XKR4: variants seen among roughly 807,000 people sequenced by gnomAD.
The protein encoded by XKR4 is XK related 4.
A neutral mutation model predicts 53.9 loss-of-function variants in XKR4; 12 were observed. That is an observed-to-expected ratio of 0.22 (90% CI 0.14 to 0.36). XKR4 has a LOEUF of 0.36. Ranked by LOEUF, XKR4 falls within the 10% of genes least tolerant of loss-of-function variation. XKR4 has a pLI of 1.00. For missense variants in XKR4, 799 were observed against 859.5 expected, an observed-to-expected ratio of 0.93 and a Z score of 0.88; for synonymous variants, 354 against 362.4, an observed-to-expected ratio of 0.98 and a Z score of 0.26.
At chr8:55,294,920 A>G (rs890522131) in intron 1 of XKR4, among the ~76,000 whole-genome samples, 3 of 152,052 alleles carry the variant, frequency 2.0e-5, no homozygotes, top group Admixed American at 2.0e-4. Flanking sequence ...TACCCAATGA[A>G]TCCAGTGTCC....
chr8:55,427,792 T>C (rs945748094), intron 2 of XKR4, among the ~76,000 whole-genome samples: 2 of 152,344 alleles, frequency 1.3e-5, no homozygotes, highest in Admixed American at 6.5e-5. Context: ...AAGTATATCA[T>C]TTGTTTATTT....
chr8:55,378,119 T>C (rs1804176742), intron 2 of XKR4, among the ~76,000 whole-genome samples: 1 of 149,846 alleles, frequency 6.7e-6, no homozygotes, highest in Admixed American at 6.6e-5. Flanking sequence ...TCTGGTCTTG[T>C]TGTTATTTTC....
At chr8:55,478,658 T>A (rs1451376037) in intron 2 of XKR4, among the ~76,000 whole-genome samples, 1 of 152,076 alleles carries the variant, frequency 6.6e-6, no homozygotes, top group Non-Finnish European at 1.5e-5. Flanking sequence ...GAAAACCATC[T>A]CATGTGCAGA....
chr8:55,186,107 C>T (rs1369080690), intron 1 of XKR4, among the ~76,000 whole-genome samples: 1 of 152,116 alleles, frequency 6.6e-6, no homozygotes, highest in African/African-American at 2.4e-5. Flanking sequence ...CACAGTCATT[C>T]AGTTTTCCCA....
At chr8:55,507,462 T>G (rs980765869) in intron 2 of XKR4, among the ~76,000 whole-genome samples, 1 of 152,154 alleles carries the variant, frequency 6.6e-6, no homozygotes, top group Non-Finnish European at 1.5e-5. Flanking sequence ...TAACTCATCA[T>G]TTAACATCAG....
At chr8:55,322,450 T>C (rs147877922) in intron 1 of XKR4, among the ~76,000 whole-genome samples, 1 of 152,348 alleles carries the variant, frequency 6.6e-6, no homozygotes, top group Non-Finnish European at 1.5e-5. Flanking sequence ...TTATCATACA[T>C]GCCATCTCTT....
intron 1 of XKR4, among the ~76,000 whole-genome samples, chr8:55,314,077 A>C (rs745808670): frequency 2.0e-5 from 3 of 152,226 alleles, no homozygotes; most frequent in Non-Finnish European, 4.4e-5. Context: ...GGGGCAGCAG[A>C]AGCAGCTACA....
At chr8:55,133,540 C>T (rs1042716133) in intron 1 of XKR4, among the ~76,000 whole-genome samples, 3 of 152,072 alleles carry the variant, frequency 2.0e-5, no homozygotes, top group Non-Finnish European at 4.4e-5. Context: ...TGAGGTATCT[C>T]GTGTCTGTGA....
At chr8:55,223,266 C>A (rs1402641872) in intron 1 of XKR4, among the ~76,000 whole-genome samples, 2 of 152,196 alleles carry the variant, frequency 1.3e-5, no homozygotes, top group African/African-American at 4.8e-5. Flanking sequence ...TAACCCTTCC[C>A]TTCTCCAGAT....
At chr8:55,328,100 A>T (rs765328206) in intron 1 of XKR4, among the ~76,000 whole-genome samples, 5 of 152,154 alleles carry the variant, frequency 3.3e-5, no homozygotes, top group Non-Finnish European at 7.4e-5. Flanking sequence ...AGATCTCATG[A>T]GACTCACTCA....
chr8:55,367,718 C>T (rs992318771), intron 2 of XKR4, among the ~76,000 whole-genome samples: 1 of 152,144 alleles, frequency 6.6e-6, no homozygotes, highest in Non-Finnish European at 1.5e-5. Flanking sequence ...AATAATCAAA[C>T]TGAAAAGTAT....
intron 1 of XKR4, chr8:55,142,055 A>G: frequency 2.2e-6 from 1 of 455,676 alleles, no homozygotes; most frequent in Admixed American, 2.4e-5. Flanking sequence ...GCCACCCCCA[A>G]CAGCCTTGCA....
intron 2 of XKR4, among the ~76,000 whole-genome samples, chr8:55,416,334 TA>T (rs1411129834): frequency 6.6e-6 from 1 of 152,196 alleles, no homozygotes; most frequent in African/African-American, 2.4e-5. Context: ...TGGATTAGCA[TA>T]GAAAGTTTCA....
intron 1 of XKR4, among the ~76,000 whole-genome samples, chr8:55,221,627 T>G (rs1478277120): frequency 6.6e-5 from 10 of 152,184 alleles, no homozygotes; most frequent in African/African-American, 2.4e-4. Flanking sequence ...GTTCTTTGGC[T>G]GAGCTCAGGA....
At chr8:55,369,481 A>T (rs934390666) in intron 2 of XKR4, among the ~76,000 whole-genome samples, 2 of 135,238 alleles carry the variant, frequency 1.5e-5, no homozygotes, top group African/African-American at 5.7e-5. Context: ...AGGGGAGGAC[A>T]GAGAGAGAGA....
At position 55,541,768 on chromosome 8, in the gene XKR4, A is replaced by G. The variant is rs1295200688; in HGVS notation, c.*17541A>G. ...TTGTTTCCTTCCTGTAAATATATAT[A>G]TTCAAATTCCATGTATCCAAACATC... On this transcript the variant is annotated 3_prime_UTR_variant, in exon 3 of 3. Coordinates refer to ENST00000327381, the MANE Select transcript of XKR4 (RefSeq NM_052898.2). The G allele has an allele frequency of 6.6e-6, 1 of 152,212 alleles. No individual in the cohort carries two copies. The highest frequency in any genetic ancestry group is 1.9e-4 in the East Asian group (1 of 5,204). The allele number at this position is 152,212 out of a possible 1,614,324, so 9.4% of individuals were successfully genotyped here.
chr8:55,366,754 T>C (rs1803994724), intron 2 of XKR4, among the ~76,000 whole-genome samples: 1 of 152,232 alleles, frequency 6.6e-6, no homozygotes, highest in African/African-American at 2.4e-5. Flanking sequence ...CCTTCTCTTC[T>C]ACCCTGGAGT....
At chr8:55,106,995 A>C (rs1392990305) in intron 1 of XKR4, among the ~76,000 whole-genome samples, 7 of 152,160 alleles carry the variant, frequency 4.6e-5, no homozygotes, top group Non-Finnish European at 1.0e-4. Context: ...GCCTTTTATA[A>C]GCTAAGGTAC....
intron 1 of XKR4, among the ~76,000 whole-genome samples, chr8:55,257,151 C>G (rs1313326766): frequency 1.3e-5 from 2 of 152,148 alleles, no homozygotes; most frequent in East Asian, 3.9e-4. Context: ...ACCATGCACA[C>G]AGCTTCATAA....
Sources: gnomAD v4.1 joint callset for allele counts (sites outside exome capture counted in the v4.1 genomes callset) on GRCh38, gnomAD v4.1.1 for gene constraint, MANE v1.5 for transcripts, NCBI Gene and HGNC (gene_info 2026-07-23, HGNC 2026-07-21) for gene names.